RIN2: variants seen among roughly 807,000 people sequenced by gnomAD.
The protein encoded by RIN2 is RAB5 interacting protein 2.
A neutral mutation model predicts 78.0 loss-of-function variants in RIN2; 36 were observed. The observed-to-expected ratio is 0.46, with a 90% CI of 0.35 to 0.61. The LOEUF is 0.61. RIN2 is among the 20% of genes least tolerant of loss of function. The pLI is 0.00. For synonymous variants in RIN2, 466 were observed against 466.8 expected, an observed-to-expected ratio of 1.00 and a Z score of 0.02; for missense variants, 1,087 against 1,159.7, an observed-to-expected ratio of 0.94 and a Z score of 0.91.
At chr20:19,903,041 C>T (rs550691586) in intron 3 of RIN2, among the ~76,000 whole-genome samples, 21 of 151,960 alleles carry the variant, frequency 1.4e-4, no homozygotes, top group Non-Finnish European at 2.4e-4. Context: ...TGCCGTGAGC[C>T]GAGATTGTGC....
At chr20:19,907,424 CCAGA>C (rs1411874041) in intron 3 of RIN2, among the ~76,000 whole-genome samples, 1 of 152,152 alleles carries the variant, frequency 6.6e-6, no homozygotes, top group Non-Finnish European at 1.5e-5. Context: ...GGCCTGTGTA[CCAGA>C]CAGAGCCCTG....
intron 9 of RIN2, among the ~76,000 whole-genome samples, chr20:19,976,055 T>A (rs2042270109): frequency 6.6e-6 from 1 of 152,214 alleles, no homozygotes; most frequent in Non-Finnish European, 1.5e-5. Context: ...AGCTGCCGCC[T>A]GCTGTGGTAA....
intron 2 of RIN2, chr20:19,823,554 T>C: frequency 2.9e-6 from 4 of 1,378,062 alleles, no homozygotes; most frequent in Non-Finnish European, 4.1e-6. Flanking sequence ...CCAGGATCTC[T>C]TTAGTGGTTC....
At chr20:19,922,190 A>G (rs945772037) in intron 3 of RIN2, among the ~76,000 whole-genome samples, 6 of 152,136 alleles carry the variant, frequency 3.9e-5, no homozygotes, top group African/African-American at 1.4e-4. Flanking sequence ...AGGGAGCTTG[A>G]GGACAATGTA....
intron 11 of RIN2, among the ~76,000 whole-genome samples, chr20:19,995,260 T>TAA (rs1601086319): frequency 7.9e-4 from 94 of 118,536 alleles, no homozygotes; most frequent in South Asian, 4.7e-3. Context: ...TGTTTTTTTT[T>TAA]TAAAAAAAAA....
At chr20:19,959,526 T>G (rs1041375491) in intron 5 of RIN2, among the ~76,000 whole-genome samples, 1 of 152,142 alleles carries the variant, frequency 6.6e-6, no homozygotes, top group Non-Finnish European at 1.5e-5. Context: ...CTCACGGTCT[T>G]CCAGCTTCAT....
At chr20:19,833,437 G>C (rs774108075) in intron 2 of RIN2, among the ~76,000 whole-genome samples, 1 of 152,050 alleles carries the variant, frequency 6.6e-6, no homozygotes, top group Non-Finnish European at 1.5e-5. Context: ...ACAGGACCCG[G>C]TATGTGTTGT....
rs1555817836 is a variant in RIN2 at position 19,785,300 on chromosome 20, A to ACC, written c.-162-14321_-162-14320dup. 7.0e-3 allele frequency among the ~76,000 whole-genome samples: 1,033 copies of ACC among 148,254 alleles called. 17 individuals carry two copies. Among genetic ancestry groups the ACC allele is most frequent in the African/African-American group, 0.021 (870 of 41,056 alleles). ...TACACACACACACACACACACACAC[A>ACC]CCAGAGCAAAAGAAAACTAATGACA... On this transcript the variant is annotated intron_variant, in intron 1 of 12. Coordinates refer to ENST00000255006, the MANE Select transcript of RIN2 (RefSeq NM_018993.4).
intron 3 of RIN2, chr20:19,896,042 T>C (rs551295286): frequency 1.3e-5 from 2 of 152,310 alleles, no homozygotes; most frequent in East Asian, 3.9e-4. Context: ...TTTTCAGATT[T>C]TTTTGTTTCC....
At chr20:19,868,000 T>A (rs2037561310) in intron 2 of RIN2, among the ~76,000 whole-genome samples, 1 of 152,206 alleles carries the variant, frequency 6.6e-6, no homozygotes, top group African/African-American at 2.4e-5. Flanking sequence ...AAGCCATCAG[T>A]GTCGTCATGT....
chr20:19,954,510 G>A (rs1340842039), intron 4 of RIN2, among the ~76,000 whole-genome samples: 2 of 152,158 alleles, frequency 1.3e-5, no homozygotes, highest in Non-Finnish European at 2.9e-5. Context: ...GGATGGAAAT[G>A]TCAGCCCCCT....
intron 4 of RIN2, among the ~76,000 whole-genome samples, chr20:19,947,679 G>A (rs779387945): frequency 4.6e-5 from 7 of 152,184 alleles, no homozygotes; most frequent in African/African-American, 7.2e-5. Context: ...GGAGATTCCC[G>A]GAAACCTTCA....
At chr20:19,995,551 T>G (rs1254703631) in intron 11 of RIN2, among the ~76,000 whole-genome samples, 2 of 152,126 alleles carry the variant, frequency 1.3e-5, no homozygotes, top group South Asian at 2.1e-4. Flanking sequence ...TACATACACA[T>G]CTTACAGTGT....
chr20:19,994,071 T>C (rs2042882032), intron 11 of RIN2, among the ~76,000 whole-genome samples: 2 of 152,216 alleles, frequency 1.3e-5, no homozygotes, highest in Admixed American at 1.3e-4. Flanking sequence ...TGATGACTAA[T>C]GGACAGGTGG....
At chr20:19,923,425 T>TA (rs1555791775) in intron 3 of RIN2, among the ~76,000 whole-genome samples, 3 of 125,298 alleles carry the variant, frequency 2.4e-5, no homozygotes, top group Non-Finnish European at 4.8e-5. Flanking sequence ...CAAAATAAAA[T>TA]AAATAAAATA....
At chr20:19,856,225 C>T (rs2037161792) in intron 2 of RIN2, among the ~76,000 whole-genome samples, 1 of 152,100 alleles carries the variant, frequency 6.6e-6, no homozygotes, top group African/African-American at 2.4e-5. Flanking sequence ...AAAAACTGTG[C>T]ATGACGACAT....
chr20:19,933,182 C>G (rs1197786230), intron 3 of RIN2, among the ~76,000 whole-genome samples: 1 of 152,182 alleles, frequency 6.6e-6, no homozygotes, highest in African/African-American at 2.4e-5. Flanking sequence ...TCGGTTTAGA[C>G]CATAAAACAG....
Position 19,810,651 on chromosome 20 carries a change from T to C in RIN2, c.-37+10904T>C, listed in dbSNP as rs7274019. Among the ~76,000 whole-genome samples the C allele has an allele frequency of 5.7e-3, 861 of 151,900 alleles. 10 individuals carry two copies. The highest frequency in any genetic ancestry group is 0.02 in the African/African-American group (817 of 41,340). ...CTTATTGATGCTGAAATTGCTCTTA[T>C]TGAAGTTTGATCATGTTAAGATTAT... On this transcript the variant is annotated intron_variant, in intron 2 of 12. Transcript: ENST00000255006.
intron 3 of RIN2, among the ~76,000 whole-genome samples, chr20:19,911,722 C>G (rs1231607626): frequency 9.0e-6 from 1 of 111,460 alleles, no homozygotes; most frequent in Non-Finnish European, 1.7e-5. Flanking sequence ...ATGGTCCTGT[C>G]TCACTCATTT....
Sources: allele counts gnomAD v4.1 joint callset (sites outside exome capture counted in the v4.1 genomes callset), GRCh38; gene constraint gnomAD v4.1.1; transcripts MANE v1.5; gene names NCBI Gene and HGNC (gene_info 2026-07-23, HGNC 2026-07-21).